The following CPN2 variants were observed in gnomAD, a reference collection of about 807,000 sequenced individuals.
CPN2 encodes carboxypeptidase N 83 kDa chain.
For missense variants in CPN2, 620 were observed against 671.4 expected (o/e 0.92, Z 0.85); for synonymous variants, 336 against 318.4 (o/e 1.06, Z -0.59).
intron 1 of CPN2, among the ~76,000 whole-genome samples, chr3:194,344,525 C>A (rs1261624161): frequency 6.6e-6 from 1 of 152,052 alleles, no homozygotes; most frequent in African/African-American, 2.4e-5. Context: ...TGAAACCTGT[C>A]TCTACTAAAA....
At chr3:194,342,819 C>A in intron 1 of CPN2, 114 bp from the exon 2 acceptor site, 1 of 576,298 alleles carries the variant, frequency 1.7e-6, no homozygotes, top group Non-Finnish European at 3.1e-6. Flanking sequence ...GGACAGCGAG[C>A]TCCAACATGC....
chr3:194,348,834 A>G (rs1576992732), intron 1 of CPN2, among the ~76,000 whole-genome samples: 2 of 151,936 alleles, frequency 1.3e-5, no homozygotes, highest in African/African-American at 2.4e-5. Context: ...CGAGGCTGCA[A>G]TGAGTGGGTG....
At chr3:194,349,763 C>CCTGA (rs1477545593) in intron 1 of CPN2, among the ~76,000 whole-genome samples, 1 of 144,588 alleles carries the variant, frequency 6.9e-6, no homozygotes, top group Admixed American at 7.1e-5. Flanking sequence ...ATGAAGCCTT[C>CCTGA]CTGACTACCC....
In CPN2 at chr3:194,341,954, C is replaced by T. The variant is rs757077951; in HGVS notation, c.749G>A (p.Arg250His). ...GAGCGGCAGGTGCGTGATGGCGTTG[C>T]GTTGCAGCCACAGCCTCTCTAGGCA... ...LFCLERLWLQ[R>H]NAITHLPLSI... The change falls in exon 2 of 2, where the codon CGC becomes CAC. Residue 250 changes from arginine to histidine, a missense_variant. Coordinates refer to ENST00000323830, the MANE Select transcript of CPN2 (RefSeq NM_001080513.4). The T allele has an allele frequency of 1.6e-5, 26 of 1,613,912 alleles. No individual in the cohort carries two copies. Among genetic ancestry groups the T allele is most frequent in the South Asian group, 5.5e-5 (5 of 91,082 alleles).
chr3:194,341,098 G>T lies in CPN2; in HGVS notation c.1605C>A (p.Thr535=). 2 of 1,608,822 alleles carry T rather than the reference G, an allele frequency of 1.2e-6. No homozygotes were observed. Among genetic ancestry groups the T allele is most frequent in the Non-Finnish European group, 1.7e-6 (2 of 1,176,594 alleles). The part of the protein sequence containing the change: ...LRSSCGSLRL[T]VSIEARAAGP ...CTGCTGCCCGAGCCTCGATAGACACGGTGAGCCGCAGAGAACCGCAGCTCG... is the reference window on the plus strand; with the variant it reads ...CTGCTGCCCGAGCCTCGATAGACACTGTGAGCCGCAGAGAACCGCAGCTCG... Residue 535 remains threonine, a synonymous_variant, in exon 2 of 2, where the codon ACC becomes ACA. Coordinates refer to ENST00000323830, the MANE Select transcript of CPN2 (RefSeq NM_001080513.4).
intron 1 of CPN2, among the ~76,000 whole-genome samples, chr3:194,343,992 T>A (rs907071614): frequency 6.6e-6 from 1 of 152,216 alleles, no homozygotes; most frequent in Non-Finnish European, 1.5e-5. Context: ...TTTCACAACA[T>A]AATCCTAATT....
intron 1 of CPN2, among the ~76,000 whole-genome samples, chr3:194,344,180 C>T (rs569229210): frequency 5.1e-4 from 77 of 152,316 alleles, no homozygotes; most frequent in African/African-American, 1.8e-3. Flanking sequence ...GGGTTTAGGA[C>T]TCAGTGCTTA....
chr3:194,349,823 C>G (rs1458572656), intron 1 of CPN2, among the ~76,000 whole-genome samples: 1 of 71,430 alleles, frequency 1.4e-5, no homozygotes, highest in Admixed American at 2.2e-4. Flanking sequence ...TTTTTTGAGA[C>G]AGAGTTTCAC....
chr3:194,341,122 C>G lies in CPN2; in HGVS notation c.1581G>C (p.Ser527=). The G allele has an allele frequency of 1.2e-6, 2 of 1,612,338 alleles. No homozygotes were observed. The highest frequency in any genetic ancestry group is 2.2e-5 in the South Asian group (2 of 91,028). ...CGGTGAGCCGCAGAGAACCGCAGCT[C>G]GACCTCAGGTCCCACTCCTGACTAG... The part of the protein sequence containing the change: ...YNASQEWDLR[S]SCGSLRLTVS... Residue 527 remains serine, a synonymous_variant, in exon 2 of 2, where the codon TCG becomes TCC. Transcript: ENST00000323830.
chr3:194,342,082 A>G lies in CPN2; in HGVS notation c.621T>C (p.Gly207=). Residue 207 remains glycine (G), a synonymous_variant, in exon 2 of 2, where the codon GGT becomes GGC. Transcript: ENST00000323830. ...TLKLSNNALS[G]LPQGVFGKLG... ...GTTTGCCAAACACACCCTGGGGGAG[A>G]CCAGAGAGCGCGTTGTTGCTCAGCT... 1 of 1,614,030 alleles carries G rather than the reference A, an allele frequency of 6.2e-7. No homozygotes were observed. Among genetic ancestry groups the G allele is most frequent in the East Asian group, 2.2e-5 (1 of 44,862 alleles).
intron 1 of CPN2, among the ~76,000 whole-genome samples, chr3:194,350,977 C>T (rs181781665): frequency 6.6e-6 from 1 of 152,324 alleles, no homozygotes; most frequent in Non-Finnish European, 1.5e-5. Flanking sequence ...GGTCACCCTG[C>T]TTATCCTCTA....
Position 194,341,188 on chromosome 3 carries a change from C to G in CPN2, c.1515G>C (p.Gln505His). 6.2e-7 allele frequency: 1 copy of G among 1,613,470 alleles called. No individual in the cohort carries two copies. The highest frequency in any genetic ancestry group is 8.5e-7 in the Non-Finnish European group (1 of 1,179,986). ...DQAQCRWLNV[Q>H]LSPQQGSLGL... ...CCAGGGAGCCCTGCTGAGGAGAGAG[C>G]TGGACGTTCAGCCAGCGACACTGGG... Residue 505 changes from glutamine (Q) to histidine (H), a missense_variant, in exon 2 of 2, where the codon CAG becomes CAC. Gln to His is a conservative substitution (Grantham distance 24, BLOSUM62 0). Coordinates refer to ENST00000323830, the MANE Select transcript of CPN2 (RefSeq NM_001080513.4).
chr3:194,342,527 G>A lies in CPN2; in HGVS notation c.176C>T (p.Thr59Ile). 6.2e-7 allele frequency: 1 copy of A among 1,614,104 alleles called. No individual in the cohort carries two copies. The highest frequency in any genetic ancestry group is 8.5e-7 in the Non-Finnish European group (1 of 1,179,996). The change falls in exon 2 of 2, where the codon ACC (threonine) becomes ATC (isoleucine). Residue 59 changes from threonine to isoleucine, a missense_variant. By Grantham distance (89) the Thr-to-Ile change is moderately conservative. Transcript: ENST00000323830. The stretch of plus-strand genomic sequence containing the variant: ...TCTGGTTTCCAATGTGGTGAACGAG[G>A]TCTCCACAAAGATGATGTTTTTCGT... ...PYTKNIIFVE[T>I]SFTTLETRAF...
intron 1 of CPN2, among the ~76,000 whole-genome samples, chr3:194,344,095 T>TCTCTGCTGCC (rs1262651848): frequency 6.6e-6 from 1 of 152,158 alleles, no homozygotes; most frequent in East Asian, 1.9e-4. Flanking sequence ...GCTGGCTGTC[T>TCTCTGCTGCC]CTCTGCTGCC....
At position 194,341,245 on chromosome 3, in the gene CPN2, G is replaced by A. The variant is rs138057999; in HGVS notation, c.1458C>T (p.Pro486=). Residue 486 remains proline, a synonymous_variant, in exon 2 of 2, where the codon CCC becomes CCT. Coordinates refer to ENST00000323830, the MANE Select transcript of CPN2 (RefSeq NM_001080513.4). ...CACAGGCGAGCACCACGGTGCCCTC[G>A]GGGTTGCTGTAGGTGCACTGGCTCC... is the stretch of plus-strand genomic sequence containing the variant. The part of the protein sequence containing the change: ...AARSQCTYSN[P]EGTVVLACDQ... 28 of 1,613,362 alleles carry A rather than the reference G, an allele frequency of 1.7e-5. No homozygotes were observed. The highest frequency in any genetic ancestry group is 2.4e-5 in the Non-Finnish European group (28 of 1,179,988).
chr3:194,350,337 C>G (rs1713224922), intron 1 of CPN2, among the ~76,000 whole-genome samples: 1 of 152,200 alleles, frequency 6.6e-6, no homozygotes, highest in Non-Finnish European at 1.5e-5. Flanking sequence ...GACTTCGCAT[C>G]TCAGGCCTTA....
chr3:194,340,963 T>A lies in CPN2; in HGVS notation c.*102A>T, dbSNP rs1402702715. 10 of 1,436,266 alleles carry A rather than the reference T, an allele frequency of 7.0e-6. No individual in the cohort carries two copies. The East Asian group carries it at 1.5e-4, about 21-fold the overall frequency. 89.0% of individuals were successfully genotyped at this position (1,436,266 alleles called of 1,614,324 possible). On this transcript the variant is annotated 3_prime_UTR_variant, in exon 2 of 2. Transcript: ENST00000323830. The stretch of plus-strand genomic sequence containing the variant: ...TGGGGATGTAACCCTGTCCCTTGCA[T>A]GTGAAAAGCCAAGGCTTCGGAGACT...
Position 194,340,451 on chromosome 3 carries a change from C to G in CPN2, c.*614G>C, listed in dbSNP as rs1262710731. The G allele has an allele frequency of 6.6e-6, 1 of 152,318 alleles. No individual in the cohort carries two copies. The highest frequency in any genetic ancestry group is 1.5e-5 in the Non-Finnish European group (1 of 68,162). 9.4% of individuals were successfully genotyped at this position (152,318 alleles called of 1,614,324 possible). A position where few individuals can be genotyped will look rare whatever the true frequency, so the allele number is the denominator to read the frequency against. ...TTTATGATTTGTAAGGCGCGACTCC[C>G]TAGACCCCTTAGGTAGGAATTTGGG... On this transcript the variant is annotated 3_prime_UTR_variant, in exon 2 of 2. Coordinates refer to ENST00000323830, the MANE Select transcript of CPN2 (RefSeq NM_001080513.4).
chr3:194,348,935 A>G (rs144756400), intron 1 of CPN2, among the ~76,000 whole-genome samples: 2 of 152,358 alleles, frequency 1.3e-5, no homozygotes, highest in African/African-American at 4.8e-5. Flanking sequence ...AAGAAAATTT[A>G]TTATAGATGT....
Sources: allele counts gnomAD v4.1 joint callset (sites outside exome capture counted in the v4.1 genomes callset), GRCh38; gene constraint gnomAD v4.1.1; transcripts MANE v1.5; gene names NCBI Gene and HGNC (gene_info 2026-07-23, HGNC 2026-07-21).